Variants in PIK3CA observed in about 807,000 individuals in gnomAD.
PIK3CA encodes the protein phosphatidylinositol 4,5-bisphosphate 3-kinase catalytic subunit alpha isoform.
PIK3CA carries 27 observed loss-of-function variants against 138.2 expected under a neutral mutation model. The observed-to-expected ratio is 0.20, with a 90% CI of 0.14 to 0.27. PIK3CA has a LOEUF of 0.27. Ranked by LOEUF, PIK3CA falls within the 10% of genes least tolerant of loss-of-function variation. The pLI is 1.00. For synonymous variants in PIK3CA, 358 were observed against 413.2 expected, an observed-to-expected ratio of 0.87 and a Z score of 1.62; for missense variants, 544 against 1,277.4, an observed-to-expected ratio of 0.43 and a Z score of 8.75.
At chr3:179,156,725 A>T (rs760863531) in intron 1 of PIK3CA, among the ~76,000 whole-genome samples, 7 of 152,116 alleles carry the variant, frequency 4.6e-5, no homozygotes, top group Non-Finnish European at 1.0e-4. Flanking sequence ...AGGTAATGAG[A>T]TATTATTTAG....
chr3:179,187,554 A>G (rs1348519289), intron 1 of PIK3CA, among the ~76,000 whole-genome samples: 12 of 150,722 alleles, frequency 8.0e-5, no homozygotes, highest in Admixed American at 8.0e-4. Flanking sequence ...AAAAAAAAAA[A>G]AAAGAGAGAA....
At chr3:179,197,271 T>G (rs1210774686) in intron 1 of PIK3CA, among the ~76,000 whole-genome samples, 1 of 152,138 alleles carries the variant, frequency 6.6e-6, no homozygotes, top group Admixed American at 6.5e-5. Context: ...ACTCCTGACC[T>G]CGTGATCTGC....
chr3:179,163,869 T>C (rs892464617), intron 1 of PIK3CA, among the ~76,000 whole-genome samples: 1 of 152,162 alleles, frequency 6.6e-6, no homozygotes, highest in African/African-American at 2.4e-5. Flanking sequence ...AATGTGCTTG[T>C]CCATTTATTT....
chr3:179,187,039 T>G (rs537321342), intron 1 of PIK3CA, among the ~76,000 whole-genome samples: 11 of 114,072 alleles, frequency 9.6e-5, no homozygotes, highest in East Asian at 7.8e-4. Flanking sequence ...AAGGGAAGTG[T>G]TTTTTTTTTC....
At chr3:179,206,086 CTTTTTTTTTTTTT>C (rs751353057) in intron 6 of PIK3CA, among the ~76,000 whole-genome samples, 1 of 105,172 alleles carries the variant, frequency 9.5e-6, no homozygotes, top group African/African-American at 3.8e-5. Context: ...ACTTCAGGAT[CTTTTTTTTTTTTT>C]TTTTTTTTTT....
intron 2 of PIK3CA, among the ~76,000 whole-genome samples, 155 bp downstream of exon 2, chr3:179,199,332 A>C (rs1576932153): frequency 6.6e-6 from 1 of 152,178 alleles, no homozygotes; most frequent in African/African-American, 2.4e-5. Flanking sequence ...CTATCGAACT[A>C]TGGAACTATT....
At position 179,198,877 on chromosome 3, in the gene PIK3CA, C is replaced by T. The variant is rs1178810605; in HGVS notation, c.52C>T (p.Pro18Ser). The change falls in exon 2 of 21, where the codon CCA becomes TCA. Residue 18 changes from proline (P) to serine (S), a missense_variant. Pro to Ser is a moderately conservative substitution (Grantham distance 74). Around this residue, in one of 14 missense-constraint regions of PIK3CA, gnomAD observed 47 missense variants for 84.0 expected, o/e 0.56. Coordinates refer to ENST00000263967, the MANE Select transcript of PIK3CA (RefSeq NM_006218.4). ...GELWGIHLMP[P>S]RILVECLLPN... Reference sequence around the variant, plus strand: ...ACTGTGGGGCATCCACTTGATGCCCCCAAGAATCCTAGTAGAATGTTTACT... The same window carrying T: ...ACTGTGGGGCATCCACTTGATGCCCTCAAGAATCCTAGTAGAATGTTTACT... 1 of 1,595,832 alleles carries T rather than the reference C, an allele frequency of 6.3e-7. No homozygotes were observed. The highest frequency in any genetic ancestry group is 1.4e-5 in the African/African-American group (1 of 73,994).
intron 1 of PIK3CA, among the ~76,000 whole-genome samples, chr3:179,182,988 G>C (rs1723886651): frequency 6.6e-6 from 1 of 152,138 alleles, no homozygotes. Context: ...CATAGAACTT[G>C]TCTTCACATC....
intron 1 of PIK3CA, among the ~76,000 whole-genome samples, chr3:179,184,737 A>G (rs1022242995): frequency 7.9e-5 from 12 of 152,286 alleles, no homozygotes; most frequent in African/African-American, 2.9e-4. Flanking sequence ...CCCTCTGTGG[A>G]TACCGACTGT....
At chr3:179,208,265 T>C (rs1013372583) in intron 6 of PIK3CA, among the ~76,000 whole-genome samples, 1 of 152,210 alleles carries the variant, frequency 6.6e-6, no homozygotes, top group Non-Finnish European at 1.5e-5. Context: ...AAAATAGAAT[T>C]GTTATACTAT....
At chr3:179,161,386 T>C (rs1237847156) in intron 1 of PIK3CA, among the ~76,000 whole-genome samples, 1 of 152,044 alleles carries the variant, frequency 6.6e-6, no homozygotes, top group Non-Finnish European at 1.5e-5. Flanking sequence ...ACAGAACAGA[T>C]AGGAGAAAGA....
At chr3:179,203,039 C>T (rs1053603200) in intron 4 of PIK3CA, among the ~76,000 whole-genome samples, 1 of 146,334 alleles carries the variant, frequency 6.8e-6, no homozygotes, top group Non-Finnish European at 1.5e-5. Context: ...CTCCCGGGTT[C>T]ACGCCATTCT....
chr3:179,161,970 A>AC (rs1323713735), intron 1 of PIK3CA, among the ~76,000 whole-genome samples: 4 of 152,234 alleles, frequency 2.6e-5, no homozygotes, highest in Non-Finnish European at 5.9e-5. Flanking sequence ...AATGTGGTAG[A>AC]CCCTGGGTAT....
At chr3:179,153,704 A>C (rs1251588908) in intron 1 of PIK3CA, among the ~76,000 whole-genome samples, 1 of 152,224 alleles carries the variant, frequency 6.6e-6, no homozygotes, top group East Asian at 1.9e-4. Flanking sequence ...TCTTGTTACC[A>C]GTCTTATTTT....
rs1400835644 is a variant in PIK3CA, at chr3:179,236,416, T to G, written c.*2052T>G. The G allele has an allele frequency of 4.7e-6, 1 of 212,352 alleles. No individual in the cohort carries two copies. Among genetic ancestry groups the G allele is most frequent in the Admixed American group, 5.9e-5 (1 of 16,958 alleles). The allele number at this position is 212,352 out of a possible 1,614,324, so 13.2% of individuals were successfully genotyped here. A position where few individuals can be genotyped will look rare whatever the true frequency, so the allele number is the denominator to read the frequency against. On this transcript the variant is annotated 3_prime_UTR_variant, in exon 21 of 21. Coordinates refer to ENST00000263967, the MANE Select transcript of PIK3CA (RefSeq NM_006218.4). ...AAACTTATTAACATTTTGTGTTGTTTAGATATAGGCAGTTGATACATACTA... is the reference window on the plus strand; with the variant it reads ...AAACTTATTAACATTTTGTGTTGTTGAGATATAGGCAGTTGATACATACTA...
In PIK3CA at chr3:179,162,966, G is replaced by A. The variant is rs118132797; in HGVS notation, c.-77+14363G>A. On this transcript the variant is annotated intron_variant, in intron 1 of 20. Transcript: ENST00000263967. ...TTGAGTGGAAAATGAAGGACAGAGCGCTAACCCTGTAGCTTATTAGCTATC... is the reference window on the plus strand; with the variant it reads ...TTGAGTGGAAAATGAAGGACAGAGCACTAACCCTGTAGCTTATTAGCTATC... Among the ~76,000 whole-genome samples the A allele has an allele frequency of 3.5e-4, 54 of 152,140 alleles. 2 individuals are homozygous for A. In the East Asian group the frequency reaches 0.01, roughly 28 times the overall value.
chr3:179,148,833 C>G (rs942331459), intron 1 of PIK3CA, among the ~76,000 whole-genome samples: 3 of 152,178 alleles, frequency 2.0e-5, no homozygotes, highest in African/African-American at 7.2e-5. Flanking sequence ...TCCTTTCTCT[C>G]TGGCTGCCGC....
chr3:179,201,609 A>ATTTTTTTTTT (rs373901635), intron 4 of PIK3CA, 69 bp downstream of exon 4: 33 of 763,648 alleles, frequency 4.3e-5, no homozygotes, highest in African/African-American at 1.1e-4. Flanking sequence ...GAGTATCTGT[A>ATTTTTTTTTT]TTTTTTTTTT....
At chr3:179,179,577 G>A (rs887675778) in intron 1 of PIK3CA, among the ~76,000 whole-genome samples, 2 of 152,160 alleles carry the variant, frequency 1.3e-5, no homozygotes, top group African/African-American at 4.8e-5. Flanking sequence ...TTTGTGCAGT[G>A]GTTACGTGGG....
Sources: gnomAD v4.1 joint callset for allele counts (sites outside exome capture counted in the v4.1 genomes callset) on GRCh38, gnomAD v4.1.1 for gene constraint, gnomAD v4.1.1 regional missense constraint, MANE v1.5 for transcripts, NCBI Gene and HGNC (gene_info 2026-07-23, HGNC 2026-07-21) for gene names.